UFL1: variants seen among roughly 807,000 people sequenced by gnomAD.
The protein encoded by UFL1 is E3 UFM1-protein ligase 1.
A neutral mutation model predicts 99.3 loss-of-function variants in UFL1; 78 were observed. The ratio of observed to expected loss-of-function variants is 0.79; its 90% confidence interval spans 0.65 to 0.95. The LOEUF is 0.95. Ranked by LOEUF, UFL1 falls within the 40% of genes least tolerant of loss-of-function variation. The pLI is 0.00. For synonymous variants in UFL1, 335 were observed against 322.2 expected (o/e 1.04, Z -0.42); for missense variants, 936 against 937.0 (o/e 1.00, Z 0.01).
intron 5 of UFL1, among the ~76,000 whole-genome samples, chr6:96,528,222 T>G (rs1751942482): frequency 6.6e-6 from 1 of 152,206 alleles, no homozygotes; most frequent in African/African-American, 2.4e-5. Context: ...ATTTTTATGT[T>G]AGAAATAGCC....
intron 9 of UFL1, 67 bp from the exon 10 acceptor site, chr6:96,538,564 T>G: frequency 1.4e-6 from 2 of 1,453,574 alleles, no homozygotes. Flanking sequence ...CATATATGTA[T>G]ATAGCAAATG....
rs146327873 is a variant in UFL1, at chr6:96,524,522, G to A, written c.252+112G>A. 1.1e-3 allele frequency: 804 copies of A among 764,748 alleles called. 5 individuals are homozygous for A. In the African/African-American group the frequency reaches 0.013, roughly 13 times the overall value. 47.4% of individuals were successfully genotyped at this position (764,748 alleles called of 1,614,324 possible). A position where few individuals can be genotyped will look rare whatever the true frequency, so the allele number is the denominator to read the frequency against. On this transcript the variant is annotated intron_variant, in intron 3 of 18. Coordinates refer to ENST00000369278, the MANE Select transcript of UFL1 (RefSeq NM_015323.5). ...TCATATTTTGTGTAGTGTTTATAAA[G>A]AAATAGTTATATAAGCCTCGCTGAT...
At chr6:96,524,347 A>G in intron 2 of UFL1, 35 bp from the exon 3 acceptor site, 1 of 1,574,642 alleles carries the variant, frequency 6.4e-7, no homozygotes, top group Non-Finnish European at 8.6e-7. Context: ...GTACGCATAG[A>G]TCATTTAAAA....
intron 12 of UFL1, among the ~76,000 whole-genome samples, chr6:96,545,740 ACT>A: frequency 6.6e-6 from 1 of 151,056 alleles, no homozygotes; most frequent in South Asian, 2.1e-4. Flanking sequence ...AAAGGGGAAA[ACT>A]CTTTATTATT....
At chr6:96,533,543 CAGAT>C (rs372916183) in intron 6 of UFL1, among the ~76,000 whole-genome samples, 7 of 151,966 alleles carry the variant, frequency 4.6e-5, no homozygotes, top group African/African-American at 7.2e-5. Context: ...AGGCAGAAAA[CAGAT>C]AGTTATCTAG....
intron 7 of UFL1, 149 bp from the exon 8 acceptor site, chr6:96,536,095 A>C: frequency 1.3e-6 from 1 of 784,678 alleles, no homozygotes; most frequent in Non-Finnish European, 1.8e-6. Flanking sequence ...AATTTTGTCT[A>C]AAATATACTA....
Position 96,548,241 on chromosome 6 carries a change from C to T in UFL1, c.1480C>T (p.Pro494Ser), listed in dbSNP as rs779628366. 5 of 1,604,390 alleles carry T rather than the reference C, an allele frequency of 3.1e-6. No homozygotes were observed. The African/African-American group carries it at 4.0e-5, about 13-fold the overall frequency. The change falls in exon 13 of 19, where the codon CCT becomes TCT. Residue 494 changes from proline (P) to serine (S), a missense_variant. Pro to Ser is a moderately conservative substitution (Grantham distance 74). Coordinates refer to ENST00000369278, the MANE Select transcript of UFL1 (RefSeq NM_015323.5). ...DFLRKHIQDA[P>S]EEFISELAEY... ...TTTAAGAAAACACATACAAGATGCC[C>T]CTGAGGAGTTTATTTCGGAACTTGC...
intron 6 of UFL1, among the ~76,000 whole-genome samples, chr6:96,531,797 A>G (rs1265770875): frequency 6.6e-6 from 1 of 152,162 alleles, no homozygotes; most frequent in Admixed American, 6.5e-5. Flanking sequence ...TTTCTCATTC[A>G]TAGTAGTCCT....
rs943461011 is a variant in UFL1, at chr6:96,543,084, A to G, written c.1402+68A>G. On this transcript the variant is annotated intron_variant, in intron 12 of 18. Transcript: ENST00000369278. Reference sequence around the variant, plus strand: ...TTTGTAACATATTTTCTTAAGATGTATATAATTAGGTATATATGCTAATAC... The same window carrying G: ...TTTGTAACATATTTTCTTAAGATGTGTATAATTAGGTATATATGCTAATAC... The G allele has an allele frequency of 2.6e-6, 4 of 1,513,344 alleles. No homozygotes were observed. In the Admixed American group the frequency reaches 9.5e-5, roughly 36 times the overall value. The allele number at this position is 1,513,344 out of a possible 1,614,324, so 93.7% of individuals were successfully genotyped here.
chr6:96,525,657 T>C (rs917591233), intron 4 of UFL1, among the ~76,000 whole-genome samples: 6 of 137,954 alleles, frequency 4.3e-5, no homozygotes, highest in African/African-American at 1.4e-4. Context: ...CTACGTAACA[T>C]AGCAAAGATC....
rs1219093566 is a variant in UFL1, at chr6:96,552,512, G to A, written c.2016G>A (p.Leu672=). 6.3e-7 allele frequency: 1 copy of A among 1,599,552 alleles called. No individual in the cohort carries two copies. The highest frequency in any genetic ancestry group is 1.4e-5 in the African/African-American group (1 of 73,400). Residue 672 remains leucine (L), a synonymous_variant, in exon 18 of 19, where the codon CTG becomes CTA. Coordinates refer to ENST00000369278, the MANE Select transcript of UFL1 (RefSeq NM_015323.5). Reference sequence around the variant, plus strand: ...TACTGTTCCAACATCGACAAGCACTGGCTGAACAGCTAAAGGTCACAGAAG... The same window carrying A: ...TACTGTTCCAACATCGACAAGCACTAGCTGAACAGCTAAAGGTCACAGAAG... The part of the protein sequence containing the change: ...RQILFQHRQA[L]AEQLKVTEDP...
chr6:96,535,742 G>A (rs976098591), intron 7 of UFL1, among the ~76,000 whole-genome samples: 1 of 151,912 alleles, frequency 6.6e-6, no homozygotes, highest in Non-Finnish European at 1.5e-5. Flanking sequence ...TTACTTCAAC[G>A]TAAACAGCGG....
Position 96,553,346 on chromosome 6 carries a change from G to A in UFL1, c.2228G>A (p.Ser743Asn). ...GTTGTAAAGCAGCTAGTCAGTCAAA[G>A]TAAGAAGACTGGGCAGGGAGATTAT... ...GLVVKQLVSQ[S>N]KKTGQGDYPL... Residue 743 changes from serine (S) to asparagine (N), a missense_variant, in exon 19 of 19, where the codon AGT (serine) becomes AAT (asparagine). Ser to Asn is a conservative substitution (Grantham distance 46). Transcript: ENST00000369278. 1.9e-6 allele frequency: 3 copies of A among 1,613,778 alleles called. No homozygotes were observed. Among genetic ancestry groups the A allele is most frequent in the Non-Finnish European group, 2.5e-6 (3 of 1,179,802 alleles).
intron 6 of UFL1, among the ~76,000 whole-genome samples, chr6:96,529,023 A>G (rs767995190): frequency 1.3e-5 from 2 of 152,228 alleles, no homozygotes; most frequent in South Asian, 2.1e-4. Flanking sequence ...CCTTGAGCAG[A>G]TAAGTCAGTC....
chr6:96,548,195 C>G lies in UFL1; in HGVS notation c.1434C>G (p.Phe478Leu), dbSNP rs751496282. ...AGAAGCCAGAGATCAGTTTTATGTTCCAGGATGAGATTGAAGATTTTTTAA... is the reference window on the plus strand; with the variant it reads ...AGAAGCCAGAGATCAGTTTTATGTTGCAGGATGAGATTGAAGATTTTTTAA... ...GKKKPEISFM[F>L]QDEIEDFLRK... Residue 478 changes from phenylalanine (F) to leucine (L), a missense_variant, in exon 13 of 19, where the codon TTC (phenylalanine) becomes TTG (leucine). Coordinates refer to ENST00000369278, the MANE Select transcript of UFL1 (RefSeq NM_015323.5). 4 of 1,603,420 alleles carry G rather than the reference C, an allele frequency of 2.5e-6. No homozygotes were observed. The highest frequency in any genetic ancestry group is 3.4e-6 in the Non-Finnish European group (4 of 1,174,578).
Position 96,553,593 on chromosome 6 carries a change from C to T in UFL1, c.*90C>T, listed in dbSNP as rs1027524499. 18 of 1,049,462 alleles carry T rather than the reference C, an allele frequency of 1.7e-5. No homozygotes were observed. The highest frequency in any genetic ancestry group is 6.3e-4 in the Middle Eastern group (2 of 3,166). 65.0% of individuals were successfully genotyped at this position (1,049,462 alleles called of 1,614,324 possible). A position where few individuals can be genotyped will look rare whatever the true frequency, so the allele number is the denominator to read the frequency against. On this transcript the variant is annotated 3_prime_UTR_variant, in exon 19 of 19. Coordinates refer to ENST00000369278, the MANE Select transcript of UFL1 (RefSeq NM_015323.5). ...AAAAAAGTAGTCACTATACAACTCC[C>T]CTCTCCCTGCAAAAACCACCTCATA...
intron 3 of UFL1, 102 bp from the exon 4 acceptor site, chr6:96,525,195 C>A: frequency 1.1e-6 from 1 of 898,050 alleles, no homozygotes; most frequent in Non-Finnish European, 1.7e-6. Flanking sequence ...AGCCACCATG[C>A]CTGGCCGGCA....
chr6:96,553,421 C>G lies in UFL1; in HGVS notation c.2303C>G (p.Thr768Ser), dbSNP rs775486484. ...DKEQEDVASTTRKELQELSSS... is the reference protein window; with the variant it reads ...DKEQEDVASTSRKELQELSSS... Reference sequence around the variant, plus strand: ...GAACAAGAAGATGTTGCCAGTACTACTCGTAAAGAGCTTCAAGAACTTTCT... The same window carrying G: ...GAACAAGAAGATGTTGCCAGTACTAGTCGTAAAGAGCTTCAAGAACTTTCT... Residue 768 changes from threonine (T) to serine (S), a missense_variant, in exon 19 of 19, where the codon ACT (threonine) becomes AGT (serine). By Grantham distance (58) the Thr-to-Ser change is moderately conservative (BLOSUM62 1). Transcript: ENST00000369278. 1.9e-6 allele frequency: 3 copies of G among 1,613,744 alleles called. No individual in the cohort carries two copies. Among genetic ancestry groups the G allele is most frequent in the Non-Finnish European group, 2.5e-6 (3 of 1,179,832 alleles).
At chr6:96,526,835 A>G (rs1338394403) in intron 5 of UFL1, among the ~76,000 whole-genome samples, 2 of 152,176 alleles carry the variant, frequency 1.3e-5, no homozygotes, top group Admixed American at 6.5e-5. Flanking sequence ...ATTGATGAAG[A>G]TAATTTATAG....
Sources: allele counts gnomAD v4.1 joint callset (sites outside exome capture counted in the v4.1 genomes callset), GRCh38; gene constraint gnomAD v4.1.1; transcripts MANE v1.5; gene names NCBI Gene and HGNC (gene_info 2026-07-23, HGNC 2026-07-21).